PRRC2C: variants seen among roughly 807,000 people sequenced by gnomAD.
The protein encoded by PRRC2C is protein PRRC2C.
A neutral mutation model predicts 317.2 loss-of-function variants in PRRC2C; 72 were observed. The observed-to-expected ratio is 0.23, with a 90% confidence interval of 0.19 to 0.28. PRRC2C has a LOEUF of 0.28. PRRC2C is among the 10% of genes least tolerant of loss of function. PRRC2C has a pLI of 1.00. For synonymous variants in PRRC2C, 1,296 were observed against 1,205.9 expected, an observed-to-expected ratio of 1.07 and a Z score of -1.55; for missense variants, 3,074 against 3,459.7, an observed-to-expected ratio of 0.89 and a Z score of 2.80.
At chr1:171,498,944 A>G (rs1315117881) in intron 1 of PRRC2C, among the ~76,000 whole-genome samples, 2 of 152,000 alleles carry the variant, frequency 1.3e-5, no homozygotes, top group African/African-American at 2.4e-5. Context: ...TGGGACGGGG[A>G]CTATAAACAT....
At chr1:171,556,274 G>A (rs1005777257) in intron 18 of PRRC2C, among the ~76,000 whole-genome samples, 6 of 152,218 alleles carry the variant, frequency 3.9e-5, no homozygotes, top group African/African-American at 9.6e-5. Context: ...TGCTAAGACC[G>A]TTGGAAAAGT....
At chr1:171,533,773 G>A (rs1174201435) in intron 12 of PRRC2C, among the ~76,000 whole-genome samples, 5 of 152,092 alleles carry the variant, frequency 3.3e-5, no homozygotes, top group Non-Finnish European at 5.9e-5. Context: ...ACAGGCGCGT[G>A]CCACCGCACC....
rs895134529 is a variant in PRRC2C at position 171,532,304 on chromosome 1, T to C, written c.1255-39T>C. 29 of 1,553,002 alleles carry C rather than the reference T, an allele frequency of 1.9e-5. No individual in the cohort carries two copies. The Admixed American group carries it at 5.1e-4, about 27-fold the overall frequency. On this transcript the variant is annotated intron_variant, in intron 11 of 34. Transcript: ENST00000647382. ...CCTGATACCCAGTGTTAGTCAGAAA[T>C]AGAGTTGTCATAACTCATCTGATAC...
chr1:171,493,358 G>A (rs568204558), intron 1 of PRRC2C, among the ~76,000 whole-genome samples: 23 of 152,278 alleles, frequency 1.5e-4, no homozygotes, highest in African/African-American at 5.5e-4. Flanking sequence ...CAATTAACTG[G>A]ATGGGGTGGC....
chr1:171,586,407 T>TGGTG (rs1649999662), intron 30 of PRRC2C, among the ~76,000 whole-genome samples: 2 of 151,498 alleles, frequency 1.3e-5, no homozygotes, highest in African/African-American at 2.4e-5. Context: ...TCAAATTCTC[T>TGGTG]ACTTGTGGTG....
rs192061431 is a variant in PRRC2C at position 171,535,244 on chromosome 1, G to C, written c.1874-184G>C. On this transcript the variant is annotated intron_variant, in intron 12 of 34. Transcript: ENST00000647382. ...AGAATGCAGCTTTTAGGAAATCTAA[G>C]GTTTTGATAATCTAATGTTACCTCA... Among the ~76,000 whole-genome samples the C allele has an allele frequency of 7.2e-5, 11 of 152,102 alleles. No individual in the cohort carries two copies. The East Asian group carries it at 1.9e-3, about 27-fold the overall frequency.
At position 171,574,979 on chromosome 1, in the gene PRRC2C, G is replaced by T. The variant is rs767585640; in HGVS notation, c.6806G>T (p.Gly2269Val). The T allele has an allele frequency of 6.2e-7, 1 of 1,613,714 alleles. No individual in the cohort carries two copies. Among genetic ancestry groups the T allele is most frequent in the Non-Finnish European group, 8.5e-7 (1 of 1,179,876 alleles). ...WENSPNVREKGSPVTSTAPPI... is the reference protein window; with the variant it reads ...WENSPNVREKVSPVTSTAPPI... ...AATTCTCCAAATGTAAGGGAAAAGG[G>T]GTCTCCAGTAACTTCCACAGCACCT... The change falls in exon 25 of 35, where the codon GGG becomes GTG. Residue 2269 changes from glycine (G) to valine (V), a missense_variant. Gly to Val is a moderately radical substitution (Grantham distance 109, BLOSUM62 -3). Coordinates refer to ENST00000647382, the MANE Select transcript of PRRC2C (RefSeq NM_001387844.1).
chr1:171,540,000 T>C lies in PRRC2C; in HGVS notation c.2534T>C (p.Ile845Thr), dbSNP rs1677672150. 1 of 1,613,088 alleles carries C rather than the reference T, an allele frequency of 6.2e-7. No homozygotes were observed. Among genetic ancestry groups the C allele is most frequent in the Non-Finnish European group, 8.5e-7 (1 of 1,179,534 alleles). Residue 845 changes from isoleucine (I) to threonine (T), a missense_variant, in exon 16 of 35, where the codon ATT (isoleucine) becomes ACT (threonine). Ile to Thr is a moderately conservative substitution (Grantham distance 89). This residue lies in a region of PRRC2C where 1,320 missense variants were observed against 1,395.7 expected (regional missense o/e 0.95). Transcript: ENST00000647382. ...GAAGCTGCGTTGGACCAGGAACAGA[T>C]TACTGCTGCTTATTCTGTAGAACAT... is the stretch of plus-strand genomic sequence containing the variant. ...RSEAALDQEQ[I>T]TAAYSVEHNQ...
rs1434362443 is a variant in PRRC2C, at chr1:171,520,159, C to G, written c.751-2018C>G. Among the ~76,000 whole-genome samples the G allele has an allele frequency of 2.0e-5, 3 of 152,142 alleles. No individual in the cohort carries two copies. In the East Asian group the frequency reaches 5.8e-4, roughly 29 times the overall value. ...TGTATTTTTAGTAGAGACAGGGTTT[C>G]ACCATGTTGGCTGGGCTAGTCTCGA... On this transcript the variant is annotated intron_variant, in intron 6 of 34. Transcript: ENST00000647382.
At position 171,495,054 on chromosome 1, in the gene PRRC2C, C is replaced by T. The variant is rs529564382; in HGVS notation, c.-58+9319C>T. Among the ~76,000 whole-genome samples, 17 of 152,270 alleles carry T rather than the reference C, an allele frequency of 1.1e-4. No homozygotes were observed. In the South Asian group the frequency reaches 3.5e-3, roughly 32 times the overall value. ...CTTACTCACTTATGGATAAACTGAA[C>T]AGTTTTTCCTTTGCATTCAGTCGTT... On this transcript the variant is annotated intron_variant, in intron 1 of 34. Transcript: ENST00000647382.
chr1:171,580,738 G>A (rs1465806321), intron 28 of PRRC2C, among the ~76,000 whole-genome samples: 1 of 152,200 alleles, frequency 6.6e-6, no homozygotes, highest in African/African-American at 2.4e-5. Flanking sequence ...AGAAGAGTGA[G>A]TAAGAGTCAG....
Position 171,517,681 on chromosome 1 carries a change from C to G in PRRC2C, c.617C>G (p.Thr206Arg), listed in dbSNP as rs760620589. 1.6e-5 allele frequency: 26 copies of G among 1,613,536 alleles called. No individual in the cohort carries two copies. The South Asian group carries it at 2.3e-4, about 14-fold the overall frequency. The change falls in exon 6 of 35, where the codon ACA becomes AGA. Residue 206 changes from threonine to arginine, a missense_variant. Thr to Arg is a moderately conservative substitution (Grantham distance 71, BLOSUM62 -1). Around this residue, in one of 11 missense-constraint regions of PRRC2C, gnomAD observed 237 missense variants for 199.5 expected, o/e 1.19. Transcript: ENST00000647382. ...DEKLPGQDES[T>R]AGTSEQNDIL... ...AAGCTCCCTGGCCAGGATGAAAGCA[C>G]AGCTGGAACATCAGAGCAAAATGAT...
chr1:171,489,250 C>T (rs1666684957), intron 1 of PRRC2C, among the ~76,000 whole-genome samples: 1 of 152,110 alleles, frequency 6.6e-6, no homozygotes, highest in Admixed American at 6.5e-5. Flanking sequence ...CACAGGTAAC[C>T]TTCGAAGAGT....
Position 171,531,186 on chromosome 1 carries a change from G to T in PRRC2C, c.1255-1157G>T, listed in dbSNP as rs1465384444. ...AGAACTATACAAGGTTAGGGTTGGGGTGCTTGGGGCCACAGGGGGAGGCAG... is the reference window on the plus strand; with the variant it reads ...AGAACTATACAAGGTTAGGGTTGGGTTGCTTGGGGCCACAGGGGGAGGCAG... On this transcript the variant is annotated intron_variant, in intron 11 of 34. Transcript: ENST00000647382. 5.9e-5 allele frequency among the ~76,000 whole-genome samples: 9 copies of T among 152,300 alleles called. No individual in the cohort carries two copies. The South Asian group carries it at 1.2e-3, about 21-fold the overall frequency.
intron 1 of PRRC2C, among the ~76,000 whole-genome samples, chr1:171,488,287 T>C (rs1024478846): frequency 1.3e-5 from 2 of 152,242 alleles, no homozygotes; most frequent in Non-Finnish European, 2.9e-5. Flanking sequence ...TGACACACTT[T>C]CATTTCGGTA....
At chr1:171,566,538 T>C (rs993510763) in intron 21 of PRRC2C, 54 bp from the exon 22 acceptor site, 77 of 1,497,098 alleles carry the variant, frequency 5.1e-5, no homozygotes, top group Middle Eastern at 3.5e-4. Flanking sequence ...GGTGCAATGA[T>C]GAAAGATACT....
chr1:171,589,987 T>TC (rs1398282858), intron 34 of PRRC2C, among the ~76,000 whole-genome samples: 2 of 86,906 alleles, frequency 2.3e-5, no homozygotes, highest in African/African-American at 6.1e-5. Flanking sequence ...TTCTTTCTTT[T>TC]TTTTTTTTTT....
intron 4 of PRRC2C, 129 bp downstream of exon 4, chr1:171,514,774 A>G (rs1665628006): frequency 1.2e-6 from 1 of 806,402 alleles, no homozygotes; most frequent in Admixed American, 3.2e-5. Context: ...CAAGGCTCTT[A>G]AAAAGGTTTT....
chr1:171,585,220 A>G (rs920137757), intron 30 of PRRC2C, among the ~76,000 whole-genome samples: 1 of 152,224 alleles, frequency 6.6e-6, no homozygotes, highest in Non-Finnish European at 1.5e-5. Context: ...ATTAAGTGTG[A>G]TACAGGTGGT....
Sources: gnomAD v4.1 joint callset for allele counts (sites outside exome capture counted in the v4.1 genomes callset) on GRCh38, gnomAD v4.1.1 for gene constraint, gnomAD v4.1.1 regional missense constraint, MANE v1.5 for transcripts, NCBI Gene and HGNC (gene_info 2026-07-23, HGNC 2026-07-21) for gene names.